Variants in ENTREP2 observed in about 807,000 individuals in gnomAD.
The protein encoded by ENTREP2 is protein ENTREP2.
the ENTREP2 span, among the ~76,000 whole-genome samples, chr15:29,437,056 G>A: frequency 6.6e-6 from 1 of 152,204 alleles, no homozygotes; most frequent in Non-Finnish European, 1.5e-5. Context: ...TCTTTTAGAC[G>A]TTACATTCCA....
the ENTREP2 span, among the ~76,000 whole-genome samples, chr15:29,336,110 C>G: frequency 7.6e-6 from 1 of 131,556 alleles, no homozygotes; most frequent in Non-Finnish European, 1.6e-5. Context: ...CCACTGCAAT[C>G]CAGCCTGGGC....
chr15:29,458,451 G>C, the ENTREP2 span, among the ~76,000 whole-genome samples: 3 of 152,114 alleles, frequency 2.0e-5, no homozygotes, highest in African/African-American at 7.2e-5. Flanking sequence ...CCATCGCAGA[G>C]CCACGGGCAC....
the ENTREP2 span, among the ~76,000 whole-genome samples, chr15:29,237,456 A>G: frequency 6.6e-6 from 1 of 152,080 alleles, no homozygotes; most frequent in Non-Finnish European, 1.5e-5. Flanking sequence ...AAAGTTTTGT[A>G]GTTTTGCATT....
At chr15:29,440,224 AG>A in the ENTREP2 span, among the ~76,000 whole-genome samples, 4 of 152,170 alleles carry the variant, frequency 2.6e-5, no homozygotes, top group African/African-American at 9.7e-5. Flanking sequence ...AGTTATTTTT[AG>A]TTTTGACAAA....
the ENTREP2 span, among the ~76,000 whole-genome samples, chr15:29,442,974 G>A: frequency 5.9e-5 from 9 of 152,136 alleles, no homozygotes; most frequent in Admixed American, 5.2e-4. Flanking sequence ...AGAAACCAGG[G>A]GCAGGGACCA....
the ENTREP2 span, among the ~76,000 whole-genome samples, chr15:29,455,769 C>T: frequency 7.2e-3 from 1,096 of 152,292 alleles, 10 homozygotes; most frequent in Non-Finnish European, 0.011. Flanking sequence ...ACAGCTGCTC[C>T]CCACTGCTTG....
the ENTREP2 span, among the ~76,000 whole-genome samples, chr15:29,283,044 G>C: frequency 6.6e-6 from 1 of 152,164 alleles, no homozygotes; most frequent in Non-Finnish European, 1.5e-5. Flanking sequence ...CCAGAGTCCA[G>C]CAAGAATCTC....
chr15:29,281,189 C>T, the ENTREP2 span, among the ~76,000 whole-genome samples: 1 of 152,060 alleles, frequency 6.6e-6, no homozygotes, highest in African/African-American at 2.4e-5. Context: ...TCCTTTGTGC[C>T]TAGGTGTGAT....
chr15:29,610,670 G>A, the ENTREP2 span: 5 of 150,258 alleles, frequency 3.3e-5, no homozygotes, highest in African/African-American at 1.2e-4. Context: ...CGCAGCTCAT[G>A]GCAAAGATCT....
the ENTREP2 span, chr15:29,612,498 G>T: frequency 1.5e-5 from 2 of 136,000 alleles, no homozygotes; most frequent in Non-Finnish European, 3.2e-5. Flanking sequence ...TACCAGCAGA[G>T]AAAAAAAAAA....
the ENTREP2 span, among the ~76,000 whole-genome samples, chr15:29,179,895 T>C: frequency 1.3e-5 from 2 of 151,260 alleles, no homozygotes; most frequent in Admixed American, 6.6e-5. Context: ...AGGGCTGGAG[T>C]CTTAAACTTG....
chr15:29,144,042 T>C, the ENTREP2 span, among the ~76,000 whole-genome samples: 1 of 152,100 alleles, frequency 6.6e-6, no homozygotes, highest in Non-Finnish European at 1.5e-5. Flanking sequence ...AAGCTGGCCA[T>C]GGTGTGGGAG....
chr15:29,563,081 A>G, the ENTREP2 span, among the ~76,000 whole-genome samples: 5 of 152,114 alleles, frequency 3.3e-5, no homozygotes, highest in African/African-American at 1.2e-4. Flanking sequence ...GTGAGCCACC[A>G]CGCCCTGTCA....
chr15:29,411,448 A>T, the ENTREP2 span, among the ~76,000 whole-genome samples: 1 of 152,170 alleles, frequency 6.6e-6, no homozygotes, highest in Non-Finnish European at 1.5e-5. Flanking sequence ...TGACTGGGGC[A>T]TGTGTTGACA....
At chr15:29,129,014 G>A in the ENTREP2 span, 1 of 604,444 alleles carries the variant, frequency 1.7e-6, no homozygotes, top group South Asian at 2.0e-5. Flanking sequence ...CTACATTTAT[G>A]AGGTGGGGTG....
the ENTREP2 span, chr15:29,123,319 C>T: frequency 7.4e-6 from 11 of 1,489,794 alleles, no homozygotes; most frequent in East Asian, 2.5e-5. Context: ...TTGGTGTCCA[C>T]GGTCAGAAAT....
the ENTREP2 span, among the ~76,000 whole-genome samples, chr15:29,187,131 C>T: frequency 4.6e-5 from 7 of 152,112 alleles, no homozygotes; most frequent in East Asian, 1.9e-4. Context: ...AAACTGCATC[C>T]GTCATCCTAC....
At chr15:29,665,484 C>A in the ENTREP2 span, among the ~76,000 whole-genome samples, 1 of 152,330 alleles carries the variant, frequency 6.6e-6, no homozygotes, top group South Asian at 2.1e-4. Flanking sequence ...TGTTTTCTTG[C>A]TGGTGGTAAT....
chr15:29,437,875 A>G, the ENTREP2 span, among the ~76,000 whole-genome samples: 3 of 152,244 alleles, frequency 2.0e-5, no homozygotes, highest in Non-Finnish European at 2.9e-5. Flanking sequence ...GAAAATGACC[A>G]TCACAGTTTG....
Sources: allele counts gnomAD v4.1 joint callset (sites outside exome capture counted in the v4.1 genomes callset), GRCh38; gene constraint gnomAD v4.1.1; transcripts MANE v1.5; gene names NCBI Gene and HGNC (gene_info 2026-07-23, HGNC 2026-07-21).